SREBF2: variants seen among roughly 807,000 people sequenced by gnomAD.
SREBF2 encodes the protein sterol regulatory element-binding protein 2.
SREBF2 carries 55 observed loss-of-function variants against 113.1 expected under a neutral mutation model. The ratio of observed to expected loss-of-function variants is 0.49; its 90% CI spans 0.39 to 0.61. The LOEUF is 0.61. SREBF2 is among the 20% of genes least tolerant of loss of function. SREBF2 has a pLI of 0.00. For missense variants in SREBF2, 1,349 were observed against 1,487.4 expected (o/e 0.91, Z 1.53); for synonymous variants, 593 against 605.7 (o/e 0.98, Z 0.31).
rs1248065336 is a variant in SREBF2 at position 41,833,281 on chromosome 22, G to A, written c.11G>A (p.Ser4Asn). MDD[S>N]GELGGLETME... ...GCGCTGAGCCGGGCGATGGACGACAGCGGCGAGCTGGGTGGTCTGGAGACC... is the reference window on the plus strand; with the variant it reads ...GCGCTGAGCCGGGCGATGGACGACAACGGCGAGCTGGGTGGTCTGGAGACC... Residue 4 changes from serine (S) to asparagine (N), a missense_variant, in exon 1 of 19, where the codon AGC becomes AAC. Physicochemically the swap from Ser to Asn is conservative, Grantham distance 46. This residue lies in a region of SREBF2 where 699 missense variants were observed against 843.3 expected (regional missense o/e 0.83). Transcript: ENST00000361204. This position sits in a 1 kb window ranked among gnomAD's most constrained non-coding sequence, Gnocchi z 4.1. 1.3e-6 allele frequency: 2 copies of A among 1,528,266 alleles called. No homozygotes were observed. The highest frequency in any genetic ancestry group is 1.8e-6 in the Non-Finnish European group (2 of 1,137,438). The allele number at this position is 1,528,266 out of a possible 1,614,324, so 94.7% of individuals were successfully genotyped here.
chr22:41,833,149 G>A lies in SREBF2; in HGVS notation c.-122G>A, dbSNP rs2076727462. On this transcript the variant is annotated 5_prime_UTR_variant, in exon 1 of 19. Transcript: ENST00000361204. This position sits in a 1 kb window ranked among gnomAD's most constrained non-coding sequence, Gnocchi z 4.1. ...GCGCAACGCAAACATGGCGGCGGGT[G>A]GCACCCGTCGGTGAGGCGGTGCCGG... The A allele has an allele frequency of 2.9e-6, 2 of 686,850 alleles. No individual in the cohort carries two copies. Among genetic ancestry groups the A allele is most frequent in the Middle Eastern group, 4.2e-4 (1 of 2,364 alleles). The allele number at this position is 686,850 out of a possible 1,614,324, so 42.5% of individuals were successfully genotyped here.
At position 41,833,176 on chromosome 22, in the gene SREBF2, C is replaced by T; in HGVS notation, c.-95C>T. The T allele has an allele frequency of 1.1e-6, 1 of 948,622 alleles. No individual in the cohort carries two copies. Among genetic ancestry groups the T allele is most frequent in the Non-Finnish European group, 1.5e-6 (1 of 674,552 alleles). The allele number at this position is 948,622 out of a possible 1,614,324, so 58.8% of individuals were successfully genotyped here. ...CACCCGTCGGTGAGGCGGTGCCGGG[C>T]GGGGGTTGTCGGGTGTCATGGGCGG... is the stretch of plus-strand genomic sequence containing the variant. On this transcript the variant is annotated 5_prime_UTR_variant, in exon 1 of 19. Transcript: ENST00000361204. This position sits in a 1 kb window ranked among gnomAD's most constrained non-coding sequence, Gnocchi z 4.1.
Position 41,838,550 on chromosome 22 carries a change from T to TCA in SREBF2, c.88+5192_88+5193insCA, listed in dbSNP as rs552604077. 3.9e-5 allele frequency among the ~76,000 whole-genome samples: 6 copies of TCA among 152,162 alleles called. No homozygotes were observed. In the South Asian group the frequency reaches 1.2e-3, roughly 32 times the overall value. On this transcript the variant is annotated intron_variant, in intron 1 of 18. Transcript: ENST00000361204. ...GAGTTCGAGACCAGCTTGGCCAACA[T>TCA]GGTGAAACCCCATTTCTACTAAAGA...
chr22:41,878,802 C>T (rs1272728057), intron 9 of SREBF2: 10 of 1,196,832 alleles, frequency 8.4e-6, no homozygotes, highest in Non-Finnish European at 1.0e-5. Context: ...AGCTGCAGGG[C>T]CATTAGTGAG....
rs2077080853 is a variant in SREBF2, at chr22:41,866,851, A to G, written c.109A>G (p.Asn37Asp). ...CACAGAGATGCTGCAATTTGTCAGT[A>G]ATCAAGTGGGAGAGTTCCCTGACTT... ...DIDEMLQFVS[N>D]QVGEFPDLFS... Residue 37 changes from asparagine to aspartate, a missense_variant, in exon 2 of 19, where the codon AAT (asparagine) becomes GAT (aspartate). Physicochemically the swap from Asn to Asp is conservative, Grantham distance 23. Coordinates refer to ENST00000361204, the MANE Select transcript of SREBF2 (RefSeq NM_004599.4). The G allele has an allele frequency of 6.2e-7, 1 of 1,614,258 alleles. No homozygotes were observed. Among genetic ancestry groups the G allele is most frequent in the African/African-American group, 1.3e-5 (1 of 75,064 alleles).
At chr22:41,857,426 G>GA (rs1427490427) in intron 1 of SREBF2, among the ~76,000 whole-genome samples, 1 of 152,242 alleles carries the variant, frequency 6.6e-6, no homozygotes, top group Non-Finnish European at 1.5e-5. Flanking sequence ...GCACTAGACA[G>GA]AGAAGACCAG....
Position 41,906,479 on chromosome 22 carries a change from G to A in SREBF2, c.*819G>A, listed in dbSNP as rs984633637. 3 of 162,048 alleles carry A rather than the reference G, an allele frequency of 1.9e-5. No homozygotes were observed. The highest frequency in any genetic ancestry group is 5.8e-5 in the Admixed American group (1 of 17,378). 10.0% of individuals were successfully genotyped at this position (162,048 alleles called of 1,614,324 possible). A position where few individuals can be genotyped will look rare whatever the true frequency, so the allele number is the denominator to read the frequency against. ...CCACCCATGGGGACTGGGGACCAGG[G>A]GCCTTCAGCATGGCTTCTAGGTTCC... is the stretch of plus-strand genomic sequence containing the variant. On this transcript the variant is annotated 3_prime_UTR_variant, in exon 19 of 19. Coordinates refer to ENST00000361204, the MANE Select transcript of SREBF2 (RefSeq NM_004599.4).
At chr22:41,867,998 C>T (rs553293399) in intron 2 of SREBF2, among the ~76,000 whole-genome samples, 9 of 152,152 alleles carry the variant, frequency 5.9e-5, no homozygotes, top group South Asian at 2.1e-4. Context: ...AATATAGGTG[C>T]AGCAGCTTCA....
chr22:41,877,681 T>G (rs2077209417), intron 8 of SREBF2, among the ~76,000 whole-genome samples: 1 of 152,188 alleles, frequency 6.6e-6, no homozygotes, highest in Admixed American at 6.5e-5. Context: ...GTGGTACCTA[T>G]TTGAAGGAGG....
At chr22:41,841,974 C>T (rs2076834292) in intron 1 of SREBF2, among the ~76,000 whole-genome samples, 1 of 152,186 alleles carries the variant, frequency 6.6e-6, no homozygotes. Flanking sequence ...GTGAACAAGT[C>T]ACTTGGGAGT....
chr22:41,902,569 T>A (rs1329166991), intron 16 of SREBF2, among the ~76,000 whole-genome samples: 1 of 152,072 alleles, frequency 6.6e-6, no homozygotes, highest in African/African-American at 2.4e-5. Context: ...ACTTCAGGCT[T>A]TTCCTTGGTA....
chr22:41,897,313 C>G (rs2077425385), intron 14 of SREBF2, 152 bp downstream of exon 14: 1 of 588,498 alleles, frequency 1.7e-6, no homozygotes, highest in South Asian at 2.0e-5. Context: ...CACAGTCACC[C>G]CCTCCCAAAC....
chr22:41,872,522 G>C (rs1031287237), intron 4 of SREBF2, among the ~76,000 whole-genome samples: 2 of 152,090 alleles, frequency 1.3e-5, no homozygotes, highest in Non-Finnish European at 2.9e-5. Context: ...CGTACTTATT[G>C]GCAACTAATG....
In SREBF2 at chr22:41,833,505, A is replaced by C. The variant is rs774646214; in HGVS notation, c.88+147A>C. On this transcript the variant is annotated intron_variant, in intron 1 of 18. Transcript: ENST00000361204. The surrounding 1 kb of genome is among the most constrained non-coding windows in gnomAD (Gnocchi z 4.1). ...CGCACGGTGCCCCCGGCGGTCCTCAACCCTTCCGGCGCTGCGAGCGTGAGC... is the reference window on the plus strand; with the variant it reads ...CGCACGGTGCCCCCGGCGGTCCTCACCCCTTCCGGCGCTGCGAGCGTGAGC... The C allele has an allele frequency of 3.4e-6, 2 of 586,324 alleles. No homozygotes were observed. Among genetic ancestry groups the C allele is most frequent in the South Asian group, 2.6e-5 (1 of 38,440 alleles). The allele number at this position is 586,324 out of a possible 1,614,324, so 36.3% of individuals were successfully genotyped here. A position where few individuals can be genotyped will look rare whatever the true frequency, so the allele number is the denominator to read the frequency against.
At chr22:41,884,219 T>C (rs373596642) in intron 10 of SREBF2, among the ~76,000 whole-genome samples, 1 of 152,178 alleles carries the variant, frequency 6.6e-6, no homozygotes, top group African/African-American at 2.4e-5. Flanking sequence ...CACTGCAACC[T>C]CCGCATCGCA....
Position 41,855,754 on chromosome 22 carries a change from A to C in SREBF2, c.89-11077A>C, listed in dbSNP as rs11912986. Among the ~76,000 whole-genome samples the C allele has an allele frequency of 8.0e-3, 1,175 of 147,322 alleles. 16 individuals are homozygous for C. The highest frequency in any genetic ancestry group is 0.029 in the African/African-American group (1,150 of 40,172). On this transcript the variant is annotated intron_variant, in intron 1 of 18. Transcript: ENST00000361204. ...GCAGCTTAGACAGTGCTGTAGTATA[A>C]CTTTTTTTTTTTTTTTTTGAGTCAG...
intron 1 of SREBF2, among the ~76,000 whole-genome samples, chr22:41,856,950 C>A (rs1300707536): frequency 6.6e-6 from 1 of 151,624 alleles, no homozygotes; most frequent in Non-Finnish European, 1.5e-5. Context: ...GGCTGTAATC[C>A]CGGCTACATG....
At position 41,833,423 on chromosome 22, in the gene SREBF2, C is replaced by G; in HGVS notation, c.88+65C>G. On this transcript the variant is annotated intron_variant, in intron 1 of 18. Transcript: ENST00000361204. The surrounding 1 kb of genome is among the most constrained non-coding windows in gnomAD (Gnocchi z 4.1). ...GAGGAAGGGGTTACGGCGGCGCGCC[C>G]GGGTGCGCGTGCGCCCACCCCCCGA... is the stretch of plus-strand genomic sequence containing the variant. 7.0e-7 allele frequency: 1 copy of G among 1,429,526 alleles called. No individual in the cohort carries two copies. The highest frequency in any genetic ancestry group is 9.5e-7 in the Non-Finnish European group (1 of 1,056,854). The allele number at this position is 1,429,526 out of a possible 1,614,324, so 88.6% of individuals were successfully genotyped here.
intron 16 of SREBF2, among the ~76,000 whole-genome samples, chr22:41,901,174 G>T (rs371516352): frequency 6.6e-6 from 1 of 152,262 alleles, no homozygotes; most frequent in South Asian, 2.1e-4. Context: ...CCTGGTCTAC[G>T]GGGAACATGT....
Sources: gnomAD v4.1 joint callset for allele counts (sites outside exome capture counted in the v4.1 genomes callset) on GRCh38, gnomAD v4.1.1 for gene constraint, gnomAD v4.1.1 regional missense constraint, Gnocchi (gnomAD v3.1) non-coding constraint, MANE v1.5 for transcripts, NCBI Gene and HGNC (gene_info 2026-07-23, HGNC 2026-07-21) for gene names.